WDR91: variants seen among roughly 807,000 people sequenced by gnomAD.
WDR91 encodes the protein WD repeat domain 91.
WDR91 carries 52 observed loss-of-function variants against 88.4 expected under a neutral mutation model. That is an observed-to-expected ratio of 0.59 (90% CI 0.47 to 0.74). WDR91 has a LOEUF of 0.74. Ranked by LOEUF, WDR91 falls within the 30% of genes least tolerant of loss-of-function variation. The probability of loss-of-function intolerance (pLI) is 0.00; values close to 1 mark genes in which losing one functional copy is unlikely to be tolerated. For synonymous variants in WDR91, 362 were observed against 389.5 expected (o/e 0.93, Z 0.83); for missense variants, 824 against 954.5 (o/e 0.86, Z 1.80).
At position 135,198,042 on chromosome 7, in the gene WDR91, T is replaced by C. The variant is rs1003335656; in HGVS notation, c.1001A>G (p.Gln334Arg). Residue 334 changes from glutamine to arginine, a missense_variant, in exon 7 of 15, where the codon CAG becomes CGG. Physicochemically the swap from Gln to Arg is conservative, Grantham distance 43 (BLOSUM62 1). Coordinates refer to ENST00000354475, the MANE Select transcript of WDR91 (RefSeq NM_014149.4). ...CTCCTTCCTCTCCTTGCCATGGTCCTGCAGGCGCCGCTGCCGGTGCTGTGA... is the reference window on the plus strand; with the variant it reads ...CTCCTTCCTCTCCTTGCCATGGTCCCGCAGGCGCCGCTGCCGGTGCTGTGA... ...GWSQHRQRRL[Q>R]DHGKERKELF... 6.2e-7 allele frequency: 1 copy of C among 1,614,090 alleles called. No individual in the cohort carries two copies. The highest frequency in any genetic ancestry group is 8.5e-7 in the Non-Finnish European group (1 of 1,180,040).
rs1831382484 is a variant in WDR91, at chr7:135,196,562, G to C, written c.1051-225C>G. On this transcript the variant is annotated intron_variant, in intron 7 of 14. Coordinates refer to ENST00000354475, the MANE Select transcript of WDR91 (RefSeq NM_014149.4). The surrounding 1 kb of genome is among the most constrained non-coding windows in gnomAD (Gnocchi z 4.2). The stretch of plus-strand genomic sequence containing the variant: ...TTCCTGGAGACTTTGCTCCACACAG[G>C]CCCTGCTGAAGGAGAGGGGGCTGTG... 6.6e-6 allele frequency among the ~76,000 whole-genome samples: 1 copy of C among 152,130 alleles called. No individual in the cohort carries two copies. Among genetic ancestry groups the C allele is most frequent in the African/African-American group, 2.4e-5 (1 of 41,418 alleles).
chr7:135,189,250 T>C, intron 12 of WDR91, 94 bp downstream of exon 12: 1 of 1,091,834 alleles, frequency 9.2e-7, no homozygotes, highest in South Asian at 1.4e-5. Flanking sequence ...TGCAAAAGCC[T>C]CTAGCCCAGC....
At position 135,209,675 on chromosome 7, in the gene WDR91, C is replaced by T. The variant is rs1305794031; in HGVS notation, c.204G>A (p.Leu68=). 6.2e-7 allele frequency: 1 copy of T among 1,613,612 alleles called. No individual in the cohort carries two copies. Among genetic ancestry groups the T allele is most frequent in the African/African-American group, 1.3e-5 (1 of 74,884 alleles). Residue 68 remains leucine, a synonymous_variant, in exon 2 of 15, where the codon TTG becomes TTA. Transcript: ENST00000354475. ...LAALRDYWSY[L]ERRLFSRLED... ...CCAAGCGGCTGAAGAGCCGACGCTCCAAGTAGCTCCAATAATCCCGAAGGG... is the reference window on the plus strand; with the variant it reads ...CCAAGCGGCTGAAGAGCCGACGCTCTAAGTAGCTCCAATAATCCCGAAGGG...
Position 135,196,765 on chromosome 7 carries a change from TA to T in WDR91, c.1051-429del, listed in dbSNP as rs1227914803. ...TTCCCCATTTTACAGCTGTGGAAAC[TA>T]AAAGACTGAAAGAGAAGCCAAATCC... On this transcript the variant is annotated intron_variant, in intron 7 of 14. Transcript: ENST00000354475. The surrounding 1 kb of genome is among the most constrained non-coding windows in gnomAD (Gnocchi z 4.2). Among the ~76,000 whole-genome samples, 1 of 152,200 alleles carries T rather than the reference TA, an allele frequency of 6.6e-6. No individual in the cohort carries two copies. The highest frequency in any genetic ancestry group is 1.5e-5 in the Non-Finnish European group (1 of 68,038).
chr7:135,199,056 C>G (rs182388610), intron 6 of WDR91: 101 of 152,308 alleles, frequency 6.6e-4, no homozygotes, highest in African/African-American at 2.4e-3. Context: ...CCAATCTTCT[C>G]AAGAAACCAT....
chr7:135,208,163 C>T (rs1234773233), intron 3 of WDR91, among the ~76,000 whole-genome samples: 1 of 152,208 alleles, frequency 6.6e-6, no homozygotes. Flanking sequence ...CCCTTCTCCT[C>T]CTCTAAATTT....
Position 135,187,135 on chromosome 7 carries a change from T to G in WDR91, c.1916A>C (p.Lys639Thr). ...IQWNIHKSGLKVSEYSLPSDA... is the reference protein window; with the variant it reads ...IQWNIHKSGLTVSEYSLPSDA... ...TGAGGGGAGGCTGTACTCGGATACC[T>G]TGAGGCCACTCTTGTGGATGTTCCA... Residue 639 changes from lysine (K) to threonine (T), a missense_variant, in exon 14 of 15, where the codon AAG (lysine) becomes ACG (threonine). Lys to Thr is a moderately conservative substitution (Grantham distance 78). Transcript: ENST00000354475. 2 of 1,614,214 alleles carry G rather than the reference T, an allele frequency of 1.2e-6. No homozygotes were observed. Among genetic ancestry groups the G allele is most frequent in the African/African-American group, 2.7e-5 (2 of 75,062 alleles).
intron 9 of WDR91, 119 bp from the exon 10 acceptor site, chr7:135,193,791 T>A (rs1340791387): frequency 5.3e-6 from 4 of 751,662 alleles, no homozygotes; most frequent in African/African-American, 1.7e-5. Flanking sequence ...CCTCTACGCA[T>A]CCAGGCAGTT....
At chr7:135,206,418 A>C (rs1208339433) in intron 4 of WDR91, among the ~76,000 whole-genome samples, 1 of 43,890 alleles carries the variant, frequency 2.3e-5, no homozygotes, top group African/African-American at 6.0e-5. Context: ...ATGGAAAAAA[A>C]AAAAAAACCT....
intron 4 of WDR91, 126 bp from the exon 5 acceptor site, chr7:135,206,184 C>A: frequency 8.2e-7 from 1 of 1,224,254 alleles, no homozygotes. Flanking sequence ...CGTCAAGGGG[C>A]CCATCTCACT....
intron 1 of WDR91, among the ~76,000 whole-genome samples, 195 bp downstream of exon 1, chr7:135,211,185 C>A (rs1015200345): frequency 1.3e-5 from 2 of 152,228 alleles, no homozygotes; most frequent in Non-Finnish European, 2.9e-5. Context: ...ACTCGGGGGG[C>A]GGCTTCAGGC....
chr7:135,194,814 C>T, intron 9 of WDR91, 120 bp downstream of exon 9: 7 of 1,365,250 alleles, frequency 5.1e-6, no homozygotes, highest in Non-Finnish European at 7.0e-6. Flanking sequence ...TCCCTGAATC[C>T]CCAATAATGG....
In WDR91 at chr7:135,189,435, A is replaced by G. The variant is rs1401352695; in HGVS notation, c.1677T>C (p.Asp559=). 1.2e-6 allele frequency: 2 copies of G among 1,613,948 alleles called. No individual in the cohort carries two copies. The highest frequency in any genetic ancestry group is 2.2e-5 in the East Asian group (1 of 44,888). ...TACAGTTGATAGCAATGGGTTCTGG[A>G]TCCAGGGAGAACTGGAGCTATTGAA... is the stretch of plus-strand genomic sequence containing the variant. ...TMKQQLQFSL[D]PEPIAINCTA... The change falls in exon 12 of 15, where the codon GAT becomes GAC. Residue 559 remains aspartate, a synonymous_variant. Transcript: ENST00000354475.
At chr7:135,186,521 G>A (rs1019066538) in intron 14 of WDR91, among the ~76,000 whole-genome samples, 4 of 152,212 alleles carry the variant, frequency 2.6e-5, no homozygotes, top group Non-Finnish European at 5.9e-5. Flanking sequence ...ACAAGTCCCT[G>A]AGCGGCTCCT....
At chr7:135,209,897 A>G (rs1031400098) in intron 1 of WDR91, 142 bp from the exon 2 acceptor site, 8 of 610,198 alleles carry the variant, frequency 1.3e-5, no homozygotes, top group Non-Finnish European at 1.8e-5. Context: ...TTTTCAAAAC[A>G]TACTAATGCA....
rs1488748100 is a variant in WDR91, at chr7:135,184,217, T to C, written c.*1934A>G. On this transcript the variant is annotated 3_prime_UTR_variant, in exon 15 of 15. Coordinates refer to ENST00000354475, the MANE Select transcript of WDR91 (RefSeq NM_014149.4). ...CGGTAAATAACTATTTACTACTGTC[T>C]CTGGTGTTTTCTCATAATCAAGCCA... The C allele has an allele frequency of 6.6e-6, 1 of 152,190 alleles. No homozygotes were observed. Among genetic ancestry groups the C allele is most frequent in the Non-Finnish European group, 1.5e-5 (1 of 68,022 alleles). The allele number at this position is 152,190 out of a possible 1,614,324, so 9.4% of individuals were successfully genotyped here.
chr7:135,205,804 G>A (rs1828665991), intron 5 of WDR91, 124 bp downstream of exon 5: 1 of 1,400,146 alleles, frequency 7.1e-7, no homozygotes, highest in African/African-American at 1.4e-5. Flanking sequence ...TGTGTGCCAG[G>A]AGGCTCTTCC....
intron 6 of WDR91, among the ~76,000 whole-genome samples, chr7:135,203,462 G>C (rs914281906): frequency 6.6e-6 from 1 of 152,196 alleles, no homozygotes; most frequent in Non-Finnish European, 1.5e-5. Flanking sequence ...GACAATGTCT[G>C]CTAGTTAAAC....
intron 9 of WDR91, among the ~76,000 whole-genome samples, chr7:135,194,288 G>A (rs530787586): frequency 6.6e-6 from 1 of 152,336 alleles, no homozygotes; most frequent in South Asian, 2.1e-4. Flanking sequence ...TGTGACCTCG[G>A]CATTCACTTG....
Sources: gnomAD v4.1 joint callset for allele counts (sites outside exome capture counted in the v4.1 genomes callset) on GRCh38, gnomAD v4.1.1 for gene constraint, Gnocchi (gnomAD v3.1) non-coding constraint, MANE v1.5 for transcripts, NCBI Gene and HGNC (gene_info 2026-07-23, HGNC 2026-07-21) for gene names.